CFAP210: variants seen among roughly 807,000 people sequenced by gnomAD.
CFAP210 encodes the protein cilia- and flagella- associated protein 210.
the CFAP210 span, chr2:169,650,443 CA>C: frequency 1.2e-6 from 2 of 1,605,458 alleles, no homozygotes; most frequent in Non-Finnish European, 1.7e-6. Context: ...TAGCAATAAT[CA>C]TATCTTCATT....
chr2:169,645,978 C>A, the CFAP210 span: 2 of 1,613,990 alleles, frequency 1.2e-6, no homozygotes, highest in African/African-American at 1.3e-5. Flanking sequence ...TCCACAAACA[C>A]TGGTCCACGG....
At chr2:169,645,802 C>T in the CFAP210 span, 20 of 1,331,238 alleles carry the variant, frequency 1.5e-5, no homozygotes, top group Non-Finnish European at 1.8e-5. Context: ...CTCATATATG[C>T]TACAACTTAG....
chr2:169,649,079 T>C, the CFAP210 span: 1 of 1,008,174 alleles, frequency 9.9e-7, no homozygotes, highest in Non-Finnish European at 1.4e-6. Flanking sequence ...ATAATGACCA[T>C]TTTTTTCTTA....
chr2:169,665,330 G>A, the CFAP210 span, among the ~76,000 whole-genome samples: 2 of 152,082 alleles, frequency 1.3e-5, no homozygotes, highest in Non-Finnish European at 2.9e-5. Flanking sequence ...CTGTCATCCA[G>A]GCTGGAGTGT....
the CFAP210 span, among the ~76,000 whole-genome samples, chr2:169,651,380 G>A: frequency 6.6e-6 from 1 of 151,780 alleles, no homozygotes; most frequent in Admixed American, 6.6e-5. Context: ...GACAGAGTGA[G>A]ACTCTATTAA....
the CFAP210 span, among the ~76,000 whole-genome samples, chr2:169,653,804 C>G: frequency 2.0e-5 from 3 of 152,234 alleles, no homozygotes; most frequent in South Asian, 6.2e-4. Flanking sequence ...CCTAGGTGAG[C>G]TCATCTGTAT....
chr2:169,681,190 A>T, the CFAP210 span: 1 of 1,613,836 alleles, frequency 6.2e-7, no homozygotes, highest in Non-Finnish European at 8.5e-7. Flanking sequence ...TGCTAGGTAG[A>T]AGAGGCAGAT....
the CFAP210 span, among the ~76,000 whole-genome samples, chr2:169,650,734 C>CTGTGTGTGTGTG: frequency 0.019 from 2,796 of 147,170 alleles, 46 homozygotes; most frequent in African/African-American, 0.041. Flanking sequence ...TATGTATAAT[C>CTGTGTGTGTGTG]TGTGTGTGTG....
the CFAP210 span, among the ~76,000 whole-genome samples, chr2:169,688,702 A>G: frequency 6.6e-6 from 1 of 152,174 alleles, no homozygotes; most frequent in African/African-American, 2.4e-5. Flanking sequence ...CTCAGCCTGC[A>G]TTTTATTGTC....
the CFAP210 span, among the ~76,000 whole-genome samples, chr2:169,684,119 TGAA>T: frequency 6.6e-6 from 1 of 151,966 alleles, no homozygotes; most frequent in African/African-American, 2.4e-5. Context: ...TTAGAGAAGT[TGAA>T]GAAGGGCAGG....
chr2:169,657,694 AG>A, the CFAP210 span, among the ~76,000 whole-genome samples: 15,710 of 152,134 alleles, frequency 0.1, 977 homozygotes, highest in Middle Eastern at 0.19. Context: ...CACTCCAGCC[AG>A]GGAGGCAGGG....
the CFAP210 span, among the ~76,000 whole-genome samples, chr2:169,675,633 G>A: frequency 6.6e-6 from 1 of 152,114 alleles, no homozygotes; most frequent in Non-Finnish European, 1.5e-5. Context: ...CCTCCCAGCA[G>A]GCCCCACCTC....
the CFAP210 span, chr2:169,661,289 CT>C: frequency 1.9e-6 from 1 of 537,900 alleles, no homozygotes. Context: ...CCGTTTGCAT[CT>C]TTTAATACTA....
At chr2:169,647,163 G>T in the CFAP210 span, among the ~76,000 whole-genome samples, 2 of 149,104 alleles carry the variant, frequency 1.3e-5, no homozygotes, top group Non-Finnish European at 3.0e-5. Context: ...TTAAAAAGTA[G>T]AAAATGACAA....
the CFAP210 span, among the ~76,000 whole-genome samples, chr2:169,678,508 G>A: frequency 2.6e-5 from 4 of 151,630 alleles, no homozygotes; most frequent in South Asian, 2.1e-4. Context: ...TGGCTTTTTC[G>A]CATGAATTGA....
At chr2:169,692,444 GCACA>G in the CFAP210 span, among the ~76,000 whole-genome samples, 23,684 of 143,486 alleles carry the variant, frequency 0.17, 1,973 homozygotes, top group African/African-American at 0.2. Context: ...ACAGGCGCAC[GCACA>G]CACACACACA....
At chr2:169,692,139 G>A in the CFAP210 span, among the ~76,000 whole-genome samples, 1 of 152,014 alleles carries the variant, frequency 6.6e-6, no homozygotes, top group Non-Finnish European at 1.5e-5. Flanking sequence ...AGATTCCCAG[G>A]AATATGTCAG....
chr2:169,663,156 C>T, the CFAP210 span, among the ~76,000 whole-genome samples: 2 of 152,180 alleles, frequency 1.3e-5, no homozygotes, highest in Non-Finnish European at 2.9e-5. Context: ...CAAACCTCTG[C>T]ATACTGGCAA....
the CFAP210 span, among the ~76,000 whole-genome samples, chr2:169,680,351 T>C: frequency 1.3e-3 from 195 of 152,330 alleles, no homozygotes; most frequent in Non-Finnish European, 2.1e-3. Context: ...TGGAAGTTTC[T>C]TACAAAGTTA....
Sources: allele counts gnomAD v4.1 joint callset (sites outside exome capture counted in the v4.1 genomes callset), GRCh38; gene constraint gnomAD v4.1.1; transcripts MANE v1.5; gene names NCBI Gene and HGNC (gene_info 2026-07-23, HGNC 2026-07-21).